Variants in SNTG1 observed in about 807,000 individuals in gnomAD.
SNTG1 encodes gamma-1-syntrophin.
SNTG1 carries 39 observed loss-of-function variants against 74.7 expected under a neutral mutation model. That is an observed-to-expected ratio of 0.52 (90% CI 0.40 to 0.68). The LOEUF (loss-of-function observed/expected upper bound fraction) is 0.68, where lower values mean the gene tolerates loss of function less well. SNTG1 is among the 30% of genes least tolerant of loss of function. SNTG1 has a pLI of 0.00. For missense variants in SNTG1, 685 were observed against 609.5 expected (o/e 1.12, Z -1.30); for synonymous variants, 254 against 217.1 (o/e 1.17, Z -1.49).
At chr8:50,449,572 C>A (rs1587668103) in intron 5 of SNTG1, 96 bp from the exon 6 acceptor site, 1 of 807,304 alleles carries the variant, frequency 1.2e-6, no homozygotes, top group Admixed American at 3.7e-5. Flanking sequence ...TGCCTAATAT[C>A]CACTTAACAT....
At chr8:49,946,227 T>C (rs891764156) in intron 1 of SNTG1, among the ~76,000 whole-genome samples, 2 of 152,220 alleles carry the variant, frequency 1.3e-5, no homozygotes, top group Admixed American at 6.5e-5. Context: ...TTGTTGTTCA[T>C]GTAAATCTGA....
chr8:50,400,760 G>A (rs2131345648), intron 3 of SNTG1, among the ~76,000 whole-genome samples: 1 of 152,224 alleles, frequency 6.6e-6, no homozygotes, highest in South Asian at 2.1e-4. Flanking sequence ...AGTGATGTTG[G>A]AGTTGAGAGT....
At position 50,721,389 on chromosome 8, in the gene SNTG1, C is replaced by T. The variant is rs1441437508; in HGVS notation, c.1284+12411C>T. ...AGCTTTGAGCCAATTTTACAATGGG[C>T]CTTACTCAAATGAATAGCTTATGGG... On this transcript the variant is annotated intron_variant, in intron 17 of 18. Transcript: ENST00000642720. Among the ~76,000 whole-genome samples, 4 of 152,226 alleles carry T rather than the reference C, an allele frequency of 2.6e-5. No individual in the cohort carries two copies. In the East Asian group the frequency reaches 7.7e-4, roughly 29 times the overall value.
At chr8:50,632,299 T>G (rs1000002748) in intron 13 of SNTG1, among the ~76,000 whole-genome samples, 1 of 150,598 alleles carries the variant, frequency 6.6e-6, no homozygotes, top group Admixed American at 6.6e-5. Context: ...ATTTATTTAT[T>G]TATTTATTTA....
chr8:50,375,681 A>G (rs1203895129), intron 2 of SNTG1, among the ~76,000 whole-genome samples: 1 of 152,216 alleles, frequency 6.6e-6, no homozygotes, highest in Non-Finnish European at 1.5e-5. Context: ...AATACGATGA[A>G]CATTTGGAAT....
chr8:50,577,768 C>T (rs1273356039), intron 12 of SNTG1, among the ~76,000 whole-genome samples: 2 of 152,054 alleles, frequency 1.3e-5, no homozygotes, highest in African/African-American at 4.8e-5. Flanking sequence ...CACTGCTGTT[C>T]TTTTACTTAT....
intron 1 of SNTG1, among the ~76,000 whole-genome samples, chr8:50,004,243 G>A (rs1389377358): frequency 6.6e-6 from 1 of 151,970 alleles, no homozygotes; most frequent in South Asian, 2.1e-4. Context: ...CCTCTCTTCC[G>A]GCCCAGGGAT....
chr8:50,273,902 C>T (rs2087930129), intron 2 of SNTG1, among the ~76,000 whole-genome samples: 1 of 152,036 alleles, frequency 6.6e-6, no homozygotes, highest in Non-Finnish European at 1.5e-5. Context: ...TAGGAATCAT[C>T]TTATTTATTT....
At position 50,795,989 on chromosome 8, in the gene SNTG1, A is replaced by AT. The variant is rs1802792966; in HGVS notation, c.*3162dup. On this transcript the variant is annotated 3_prime_UTR_variant, in exon 19 of 19. Transcript: ENST00000642720. ...GTCATTCAGCAAGAAAAAGAAAGCA[A>AT]TTACTTGAAAATAAATGTCAAGTCC... 6.6e-6 allele frequency: 1 copy of AT among 152,082 alleles called. No homozygotes were observed. Among genetic ancestry groups the AT allele is most frequent in the African/African-American group, 2.4e-5 (1 of 41,436 alleles). The allele number at this position is 152,082 out of a possible 1,614,324, so 9.4% of individuals were successfully genotyped here.
In SNTG1 at chr8:50,087,580, C is replaced by A. The variant is rs74630095; in HGVS notation, c.-102-84981C>A. On this transcript the variant is annotated intron_variant, in intron 1 of 18. Transcript: ENST00000642720. ...GAAAAATATCCTTACATAGCCAAAC[C>A]ATATAATAGTCTATAAATATATTCT... 1.0e-3 allele frequency among the ~76,000 whole-genome samples: 152 copies of A among 152,114 alleles called. No homozygotes were observed. In the East Asian group the frequency reaches 0.027, roughly 27 times the overall value.
chr8:50,780,435 C>T (rs1038812534), intron 18 of SNTG1, among the ~76,000 whole-genome samples: 4 of 152,100 alleles, frequency 2.6e-5, no homozygotes, highest in South Asian at 4.1e-4. Context: ...GTCTTGGTAG[C>T]GTGTATGTGT....
At chr8:50,574,957 A>G (rs1398391509) in intron 12 of SNTG1, among the ~76,000 whole-genome samples, 1 of 152,210 alleles carries the variant, frequency 6.6e-6, no homozygotes, top group Non-Finnish European at 1.5e-5. Flanking sequence ...TTAAGATCAC[A>G]TTAATGGTTT....
chr8:50,048,272 T>C (rs1432429777), intron 1 of SNTG1, among the ~76,000 whole-genome samples: 1 of 151,970 alleles, frequency 6.6e-6, no homozygotes, highest in Non-Finnish European at 1.5e-5. Flanking sequence ...TTCTTGAAGA[T>C]AAACCAAGAG....
intron 2 of SNTG1, among the ~76,000 whole-genome samples, chr8:50,218,008 T>C (rs1010619536): frequency 2.0e-5 from 3 of 152,184 alleles, no homozygotes; most frequent in Non-Finnish European, 4.4e-5. Flanking sequence ...AAATACCAAG[T>C]CACCTCAGAC....
At chr8:50,186,622 C>G (rs537560654) in intron 2 of SNTG1, among the ~76,000 whole-genome samples, 4 of 152,072 alleles carry the variant, frequency 2.6e-5, no homozygotes, top group Admixed American at 6.6e-5. Context: ...CTCTAATGAT[C>G]AGTGATAATG....
At chr8:50,523,252 A>G (rs1355600684) in intron 9 of SNTG1, among the ~76,000 whole-genome samples, 2 of 152,184 alleles carry the variant, frequency 1.3e-5, no homozygotes, top group African/African-American at 4.8e-5. Context: ...CCTTATCAGT[A>G]AGAAGATTGT....
At chr8:50,739,864 A>C (rs140838384) in intron 17 of SNTG1, among the ~76,000 whole-genome samples, 87 of 152,166 alleles carry the variant, frequency 5.7e-4, no homozygotes, top group African/African-American at 1.9e-3. Flanking sequence ...TGACAAAAAC[A>C]ATCAGTGGGG....
chr8:50,571,179 C>T (rs1337265656), intron 12 of SNTG1, among the ~76,000 whole-genome samples: 7 of 152,138 alleles, frequency 4.6e-5, no homozygotes, highest in Admixed American at 6.5e-5. Context: ...TTTCAGCAGC[C>T]GTGGAACTAT....
At chr8:50,102,721 T>G (rs1431456594) in intron 1 of SNTG1, among the ~76,000 whole-genome samples, 5 of 151,514 alleles carry the variant, frequency 3.3e-5, no homozygotes, top group African/African-American at 1.2e-4. Flanking sequence ...TAATCCATCT[T>G]GAATTAATTT....
Sources: gnomAD v4.1 joint callset for allele counts (sites outside exome capture counted in the v4.1 genomes callset) on GRCh38, gnomAD v4.1.1 for gene constraint, MANE v1.5 for transcripts, NCBI Gene and HGNC (gene_info 2026-07-23, HGNC 2026-07-21) for gene names.